The following GLRA3 variants were observed in gnomAD, a reference collection of about 807,000 sequenced individuals.
The protein encoded by GLRA3 is glycine receptor alpha 3.
Under a neutral mutation model 60.4 loss-of-function variants are expected in GLRA3, and 44 were observed. That is an observed-to-expected ratio of 0.73 (90% CI 0.57 to 0.94). GLRA3 has a LOEUF of 0.94. GLRA3 is among the 40% of genes least tolerant of loss of function. The pLI, the probability that GLRA3 is intolerant of heterozygous loss-of-function variation, is 0.00. For missense variants in GLRA3, 508 were observed against 564.6 expected (o/e 0.90, Z 1.02); for synonymous variants, 223 against 192.9 (o/e 1.16, Z -1.29).
At chr4:174,714,176 G>A (rs1266904168) in intron 5 of GLRA3, among the ~76,000 whole-genome samples, 2 of 152,152 alleles carry the variant, frequency 1.3e-5, no homozygotes, top group East Asian at 3.9e-4. Flanking sequence ...AAGAGGTACA[G>A]CAAGGACCAA....
At chr4:174,698,738 T>C (rs1311754279) in intron 5 of GLRA3, among the ~76,000 whole-genome samples, 2 of 152,168 alleles carry the variant, frequency 1.3e-5, no homozygotes, top group African/African-American at 2.4e-5. Context: ...ATTATATATT[T>C]TGTGTGCAAC....
At chr4:174,812,686 T>C (rs1324544767) in intron 1 of GLRA3, among the ~76,000 whole-genome samples, 7 of 152,184 alleles carry the variant, frequency 4.6e-5, no homozygotes, top group Admixed American at 3.9e-4. Flanking sequence ...AGAATTATAT[T>C]CTTTTTAAAA....
intron 5 of GLRA3, among the ~76,000 whole-genome samples, chr4:174,706,103 A>G (rs372286444): frequency 6.5e-4 from 99 of 151,950 alleles, no homozygotes; most frequent in Middle Eastern, 3.4e-3. Flanking sequence ...GGTGGCGGGC[A>G]CCTGTAGTCC....
rs114044330 is a variant in GLRA3, at chr4:174,817,898, C to T, written c.71+10843G>A. Among the ~76,000 whole-genome samples, 1,080 of 152,160 alleles carry T rather than the reference C, an allele frequency of 7.1e-3. 12 individuals are homozygous for T. The highest frequency in any genetic ancestry group is 0.011 in the Non-Finnish European group (765 of 68,004). On this transcript the variant is annotated intron_variant, in intron 1 of 9. Transcript: ENST00000274093. ...CTGGGATTACAGGTGTGAGCCAGTG[C>T]GCCTGACCAAGGTTACCAATATTTA...
intron 6 of GLRA3, among the ~76,000 whole-genome samples, chr4:174,681,091 G>T (rs927558588): frequency 3.3e-5 from 5 of 152,144 alleles, no homozygotes; most frequent in Non-Finnish European, 4.4e-5. Flanking sequence ...ACAGTACAGT[G>T]CTTCTAGAAT....
intron 5 of GLRA3, among the ~76,000 whole-genome samples, chr4:174,688,313 GACATC>G (rs1375494371): frequency 2.4e-5 from 2 of 84,206 alleles, no homozygotes; most frequent in African/African-American, 9.7e-5. Context: ...ATCCTTACCT[GACATC>G]ATATATATAT....
At chr4:174,708,200 A>G (rs1242477194) in intron 5 of GLRA3, among the ~76,000 whole-genome samples, 1 of 152,184 alleles carries the variant, frequency 6.6e-6, no homozygotes, top group East Asian at 1.9e-4. Context: ...AAGAGTAGAG[A>G]CTATTATAAA....
chr4:174,717,657 T>C (rs1157731640), intron 4 of GLRA3, among the ~76,000 whole-genome samples: 1 of 152,188 alleles, frequency 6.6e-6, no homozygotes, highest in Non-Finnish European at 1.5e-5. Context: ...CATAACACAC[T>C]AGAATAATTC....
chr4:174,791,046 A>G (rs1008563543), intron 1 of GLRA3, among the ~76,000 whole-genome samples: 3 of 151,484 alleles, frequency 2.0e-5, no homozygotes, highest in African/African-American at 7.3e-5. Flanking sequence ...ATACTGAACC[A>G]CAATCCTTCA....
intron 3 of GLRA3, among the ~76,000 whole-genome samples, chr4:174,741,654 G>A (rs148121428): frequency 6.5e-4 from 99 of 151,908 alleles, no homozygotes; most frequent in African/African-American, 1.7e-3. Flanking sequence ...CTAAGAGCTC[G>A]TTACCTAACC....
chr4:174,809,277 C>T (rs1740169921), intron 1 of GLRA3, among the ~76,000 whole-genome samples: 1 of 152,148 alleles, frequency 6.6e-6, no homozygotes, highest in Non-Finnish European at 1.5e-5. Flanking sequence ...TACCACATAG[C>T]CTTGGTGTGC....
intron 5 of GLRA3, among the ~76,000 whole-genome samples, chr4:174,713,327 G>T (rs910367072): frequency 2.0e-5 from 3 of 152,096 alleles, no homozygotes; most frequent in Admixed American, 1.3e-4. Flanking sequence ...TACTATGTCA[G>T]CTTTTGTGTC....
Position 174,763,921 on chromosome 4 carries a change from T to C in GLRA3, c.267+3042A>G, listed in dbSNP as rs112676444. On this transcript the variant is annotated intron_variant, in intron 3 of 9. Transcript: ENST00000274093. ...TGAGGTGGAACAAGTCCTTAAAGAA[T>C]CTCATTATGACTCATATATGAGGGT... Among the ~76,000 whole-genome samples the C allele has an allele frequency of 4.6e-3, 700 of 152,250 alleles. 2 individuals are homozygous for C. Among genetic ancestry groups the C allele is most frequent in the African/African-American group, 0.016 (677 of 41,560 alleles).
chr4:174,722,361 C>T (rs1342993113), intron 4 of GLRA3, among the ~76,000 whole-genome samples: 1 of 152,186 alleles, frequency 6.6e-6, no homozygotes, highest in African/African-American at 2.4e-5. Flanking sequence ...ACTTGTCCTA[C>T]AAAGCTTAAA....
At chr4:174,696,788 A>G (rs1234759462) in intron 5 of GLRA3, among the ~76,000 whole-genome samples, 1 of 152,112 alleles carries the variant, frequency 6.6e-6, no homozygotes, top group East Asian at 1.9e-4. Flanking sequence ...ACACATATGT[A>G]TTCATAGAAA....
chr4:174,713,180 A>C (rs1359601555), intron 5 of GLRA3, among the ~76,000 whole-genome samples: 1 of 152,152 alleles, frequency 6.6e-6, no homozygotes, highest in Non-Finnish European at 1.5e-5. Flanking sequence ...GTGCTTAATG[A>C]CTGAAATATT....
chr4:174,739,817 C>T (rs748776221), intron 3 of GLRA3, among the ~76,000 whole-genome samples: 4 of 152,228 alleles, frequency 2.6e-5, no homozygotes, highest in African/African-American at 4.8e-5. Flanking sequence ...AGAGCCAACA[C>T]GGTAAAGTCA....
intron 1 of GLRA3, among the ~76,000 whole-genome samples, chr4:174,824,711 T>C (rs558625991): frequency 1.3e-5 from 2 of 152,282 alleles, no homozygotes; most frequent in South Asian, 4.1e-4. Flanking sequence ...TGAACAAATA[T>C]CTTACAAGGC....
intron 7 of GLRA3, among the ~76,000 whole-genome samples, chr4:174,665,212 C>G (rs993167591): frequency 6.7e-6 from 1 of 150,346 alleles, no homozygotes; most frequent in Non-Finnish European, 1.5e-5. Context: ...ACAAGCTCCA[C>G]TCTGCCTCAG....
Sources: allele counts gnomAD v4.1 joint callset (sites outside exome capture counted in the v4.1 genomes callset), GRCh38; gene constraint gnomAD v4.1.1; transcripts MANE v1.5; gene names NCBI Gene and HGNC (gene_info 2026-07-23, HGNC 2026-07-21).